The following ABLIM1 variants were observed in gnomAD, a reference collection of about 807,000 sequenced individuals.
The protein encoded by ABLIM1 is actin-binding LIM protein 1.
A neutral mutation model predicts 107.0 loss-of-function variants in ABLIM1; 40 were observed. The ratio of observed to expected loss-of-function variants is 0.37; its 90% CI spans 0.29 to 0.49. The LOEUF is 0.49. ABLIM1 is among the 20% of genes least tolerant of loss of function. The pLI, the probability that ABLIM1 is intolerant of heterozygous loss-of-function variation, is 0.97. For missense variants in ABLIM1, 857 were observed against 1,008.5 expected, an observed-to-expected ratio of 0.85 and a Z score of 2.04; for synonymous variants, 357 against 357.3, an observed-to-expected ratio of 1.00 and a Z score of 0.01.
In ABLIM1 at chr10:114,741,216, C is replaced by CTTTTTTTTTTT. The variant is rs751287379; in HGVS notation, c.-213+26834_-213+26844dup. 1.2e-4 allele frequency among the ~76,000 whole-genome samples: 7 copies of CTTTTTTTTTTT among 59,892 alleles called. 2 individuals carry two copies. Among genetic ancestry groups the CTTTTTTTTTTT allele is most frequent in the Non-Finnish European group, 1.9e-4 (6 of 31,594 alleles). 39.3% of individuals were successfully genotyped at this position (59,892 alleles called of 152,430 possible). On this transcript the variant is annotated intron_variant, in intron 1 of 15. Transcript: ENST00000651092. The stretch of plus-strand genomic sequence containing the variant: ...ATAACACCTTGATAGGACTATTCTT[C>CTTTTTTTTTTT]TTTTTTTTTTTTTTTTTTTTTTTTT...
chr10:114,447,383 T>C (rs931336743), intron 15 of ABLIM1, among the ~76,000 whole-genome samples: 2 of 152,198 alleles, frequency 1.3e-5, no homozygotes, highest in Non-Finnish European at 2.9e-5. Context: ...ATGGACAACA[T>C]GATCTTACAA....
chr10:114,640,539 CCAACAACAACAA>C (rs147389561), intron 1 of ABLIM1, among the ~76,000 whole-genome samples: 1 of 151,078 alleles, frequency 6.6e-6, no homozygotes, highest in East Asian at 2.0e-4. Context: ...AACAAACAAA[CCAACAACAACAA>C]CAACAACAAC....
At chr10:114,523,428 A>G (rs754520468) in intron 6 of ABLIM1, among the ~76,000 whole-genome samples, 8 of 152,142 alleles carry the variant, frequency 5.3e-5, no homozygotes, top group Admixed American at 1.3e-4. Context: ...TCTGATCATA[A>G]GCTCTTTCAA....
the ABLIM1 span, among the ~76,000 whole-genome samples, chr10:114,786,776 T>C: frequency 6.6e-6 from 1 of 152,184 alleles, no homozygotes; most frequent in Admixed American, 6.5e-5. Context: ...GGATTGCAGA[T>C]GGAGTCTCCT....
chr10:114,591,768 T>A (rs1316003560), intron 2 of ABLIM1, among the ~76,000 whole-genome samples: 3 of 105,098 alleles, frequency 2.9e-5, no homozygotes, highest in Non-Finnish European at 6.1e-5. Flanking sequence ...CCAGAAGTAT[T>A]TCAAACTTTG....
chr10:114,475,315 T>A (rs1282945869), intron 8 of ABLIM1, among the ~76,000 whole-genome samples: 1 of 152,202 alleles, frequency 6.6e-6, no homozygotes, highest in African/African-American at 2.4e-5. Flanking sequence ...TATCACCTCC[T>A]CAGAGAGGAC....
At chr10:114,708,176 C>T (rs886719515) in intron 1 of ABLIM1, among the ~76,000 whole-genome samples, 1 of 152,096 alleles carries the variant, frequency 6.6e-6, no homozygotes, top group African/African-American at 2.4e-5. Flanking sequence ...GAAATGCATG[C>T]CGAGCTACCT....
At chr10:114,792,633 T>G in the ABLIM1 span, among the ~76,000 whole-genome samples, 6 of 152,330 alleles carry the variant, frequency 3.9e-5, no homozygotes, top group African/African-American at 1.4e-4. Flanking sequence ...CTTCTCCTTC[T>G]CAGGTCTTGA....
At chr10:114,630,315 G>A (rs1336537737) in intron 1 of ABLIM1, among the ~76,000 whole-genome samples, 1 of 152,088 alleles carries the variant, frequency 6.6e-6, no homozygotes. Flanking sequence ...TAGTTGGGTG[G>A]GAGCTACAAA....
chr10:114,583,924 A>C (rs574700520), intron 2 of ABLIM1, among the ~76,000 whole-genome samples: 1 of 152,230 alleles, frequency 6.6e-6, no homozygotes, highest in South Asian at 2.1e-4. Context: ...CTGTGGGTAC[A>C]TATGGACATA....
intron 6 of ABLIM1, among the ~76,000 whole-genome samples, chr10:114,525,582 C>T (rs2145894): frequency 0.77 from 117,178 of 152,232 alleles, 45,567 homozygotes; most frequent in African/African-American, 0.89. Flanking sequence ...TCTATAAGTA[C>T]GCAGTGACTC....
intron 10 of ABLIM1, 95 bp downstream of exon 10, chr10:114,472,882 C>A: frequency 7.7e-7 from 1 of 1,299,068 alleles, no homozygotes; most frequent in South Asian, 1.8e-5. Flanking sequence ...CAAAAGACCA[C>A]CTGATTTACC....
chr10:114,523,760 G>C (rs972215606), intron 6 of ABLIM1, among the ~76,000 whole-genome samples: 7 of 152,188 alleles, frequency 4.6e-5, no homozygotes, highest in African/African-American at 1.2e-4. Flanking sequence ...CCAAGCTCCT[G>C]GGTGGTCTTT....
chr10:114,512,933 AAAGC>A (rs997800429), intron 6 of ABLIM1, among the ~76,000 whole-genome samples: 1 of 151,922 alleles, frequency 6.6e-6, no homozygotes, highest in Admixed American at 6.6e-5. Flanking sequence ...AGAAAGAGAG[AAAGC>A]AAGCAAGCAA....
At chr10:114,762,101 C>A (rs919789054) in intron 1 of ABLIM1, among the ~76,000 whole-genome samples, 1 of 152,034 alleles carries the variant, frequency 6.6e-6, no homozygotes, top group African/African-American at 2.4e-5. Context: ...TGGCGCATCT[C>A]TGCTCACTGC....
Position 114,441,707 on chromosome 10 carries a change from G to C in ABLIM1, c.1998+15C>G, listed in dbSNP as rs751776171. The C allele has an allele frequency of 1.9e-6, 3 of 1,609,056 alleles. No individual in the cohort carries two copies. Among genetic ancestry groups the C allele is most frequent in the East Asian group, 4.5e-5 (2 of 44,860 alleles). ...GGAGTAAAGGCAGAAACAATGAATC[G>C]GGGAGAAATCTTACCCGGTGAAGCC... On this transcript the variant is annotated intron_variant, in intron 18 of 22. Transcript: ENST00000533213.
intron 12 of ABLIM1, among the ~76,000 whole-genome samples, chr10:114,461,263 C>T (rs1008623704): frequency 1.3e-5 from 2 of 151,594 alleles, no homozygotes; most frequent in South Asian, 2.1e-4. Context: ...GATGGGGTTT[C>T]GCCATGTTGC....
intron 6 of ABLIM1, among the ~76,000 whole-genome samples, chr10:114,527,603 C>A (rs2064964087): frequency 6.6e-6 from 1 of 151,908 alleles, no homozygotes; most frequent in African/African-American, 2.4e-5. Context: ...GATGGCACAG[C>A]CCTTTTAATG....
chr10:114,649,126 G>A (rs752460470), intron 1 of ABLIM1, among the ~76,000 whole-genome samples: 16 of 152,006 alleles, frequency 1.1e-4, no homozygotes, highest in South Asian at 2.1e-4. Context: ...GGCTGGGCAC[G>A]GTGGCTCACA....
Sources: allele counts gnomAD v4.1 joint callset (sites outside exome capture counted in the v4.1 genomes callset), GRCh38; gene constraint gnomAD v4.1.1; transcripts MANE v1.5; gene names NCBI Gene and HGNC (gene_info 2026-07-23, HGNC 2026-07-21).